C6orf58: variants seen among roughly 807,000 people sequenced by gnomAD.
C6orf58 encodes chromosome 6 open reading frame 58.
In C6orf58, 30 loss-of-function variants were observed where a neutral mutation model predicts 37.0. The ratio of observed to expected loss-of-function variants is 0.81; its 90% confidence interval spans 0.61 to 1.10. C6orf58 has a LOEUF of 1.10. Among genes scored for constraint, C6orf58 ranks in the 50% least tolerant of loss-of-function variants. C6orf58 has a pLI of 0.00. For synonymous variants in C6orf58, 143 were observed against 134.1 expected, an observed-to-expected ratio of 1.07 and a Z score of -0.46; for missense variants, 368 against 387.5, an observed-to-expected ratio of 0.95 and a Z score of 0.42.
Position 127,581,255 on chromosome 6 carries a change from C to A in C6orf58, c.647C>A (p.Ala216Glu). The A allele has an allele frequency of 1.3e-6, 2 of 1,516,942 alleles. No homozygotes were observed. Among genetic ancestry groups the A allele is most frequent in the Admixed American group, 1.9e-5 (1 of 52,948 alleles). The allele number at this position is 1,516,942 out of a possible 1,614,324, so 94.0% of individuals were successfully genotyped here. Residue 216 changes from alanine to glutamate, a missense_variant, in exon 4 of 6, where the codon GCA becomes GAA. Transcript: ENST00000329722. ...YLWAAHTSTLADNIKSFEDRY... is the reference protein window; with the variant it reads ...YLWAAHTSTLEDNIKSFEDRY... ...TGGGCTGCACACACTTCAACCTTGG[C>A]AGATAATATCAAAAGTTTTGAAGAC...
chr6:127,585,200 A>G (rs548050853), intron 4 of C6orf58, among the ~76,000 whole-genome samples: 2 of 152,306 alleles, frequency 1.3e-5, no homozygotes, highest in South Asian at 4.1e-4. Context: ...AAATAGGCCC[A>G]ATTACTTTAA....
chr6:127,582,575 A>G (rs942188656), intron 4 of C6orf58, among the ~76,000 whole-genome samples: 7 of 152,222 alleles, frequency 4.6e-5, no homozygotes, highest in African/African-American at 1.7e-4. Context: ...TTGCTGGCCA[A>G]TTGTAGCCTT....
chr6:127,586,158 G>A (rs1255418057), intron 4 of C6orf58, among the ~76,000 whole-genome samples: 1 of 152,092 alleles, frequency 6.6e-6, no homozygotes, highest in East Asian at 1.9e-4. Flanking sequence ...CTTTCTAGAA[G>A]CACGTGTTTT....
intron 4 of C6orf58, among the ~76,000 whole-genome samples, chr6:127,586,924 G>A (rs1004431074): frequency 1.3e-5 from 2 of 152,152 alleles, no homozygotes; most frequent in Admixed American, 6.5e-5. Context: ...TTGAAATCTG[G>A]AAGGAAATCT....
At position 127,578,554 on chromosome 6, in the gene C6orf58, G is replaced by A. The variant is rs946193208; in HGVS notation, c.302-132G>A. On this transcript the variant is annotated intron_variant, in intron 1 of 5. Coordinates refer to ENST00000329722, the MANE Select transcript of C6orf58 (RefSeq NM_001010905.3). ...AATAAAAGATAAAAAAAGAATGATG[G>A]GAATACAAACACATATCATTCAGAA... is the stretch of plus-strand genomic sequence containing the variant. 5.7e-6 allele frequency: 3 copies of A among 530,704 alleles called. No individual in the cohort carries two copies. The South Asian group carries it at 1.0e-4, about 19-fold the overall frequency. 32.9% of individuals were successfully genotyped at this position (530,704 alleles called of 1,614,324 possible). A position where few individuals can be genotyped will look rare whatever the true frequency, so the allele number is the denominator to read the frequency against.
chr6:127,577,198 C>G lies in C6orf58; in HGVS notation c.13C>G (p.Pro5Ala). MAFL[P>A]SWVCVLVGSF... ...CAGCTCTGGCACAATGGCTTTTCTT[C>G]CTTCCTGGGTTTGTGTACTAGTTGG... Residue 5 changes from proline (P) to alanine (A), a missense_variant, in exon 1 of 6, where the codon CCT becomes GCT. Pro to Ala is a conservative substitution (Grantham distance 27). Coordinates refer to ENST00000329722, the MANE Select transcript of C6orf58 (RefSeq NM_001010905.3). 2 of 1,613,048 alleles carry G rather than the reference C, an allele frequency of 1.2e-6. No homozygotes were observed.
rs753374472 is a variant in C6orf58 at position 127,590,186 on chromosome 6, A to G, written c.774A>G (p.Arg258=). 8 of 1,613,838 alleles carry G rather than the reference A, an allele frequency of 5.0e-6. No homozygotes were observed. The highest frequency in any genetic ancestry group is 6.8e-6 in the Non-Finnish European group (8 of 1,179,840). ...TCCTCTTTCCTACAACCTTGATTAG[A>G]TCATATAAGTTCCAGAAGGGCATGC... ...AAVLFPTTLI[R]SYKFQKGMPP... The change falls in exon 5 of 6, where the codon AGA becomes AGG. Residue 258 remains arginine (R), a synonymous_variant. Transcript: ENST00000329722.
chr6:127,583,926 T>A (rs570912226), intron 4 of C6orf58, among the ~76,000 whole-genome samples: 1 of 152,320 alleles, frequency 6.6e-6, no homozygotes, highest in East Asian at 1.9e-4. Flanking sequence ...AGTCAATCTG[T>A]CTTTTCCTAT....
intron 4 of C6orf58, among the ~76,000 whole-genome samples, chr6:127,588,357 T>TA (rs1458257134): frequency 6.6e-6 from 1 of 152,194 alleles, no homozygotes; most frequent in Non-Finnish European, 1.5e-5. Context: ...TAATGAAAGT[T>TA]ACATAGCAGA....
At chr6:127,588,803 T>C (rs943683770) in intron 4 of C6orf58, among the ~76,000 whole-genome samples, 1 of 152,192 alleles carries the variant, frequency 6.6e-6, no homozygotes, top group Non-Finnish European at 1.5e-5. Flanking sequence ...CCAATTTGTT[T>C]AGTACATTGT....
At chr6:127,589,753 T>C (rs997527062) in intron 4 of C6orf58, among the ~76,000 whole-genome samples, 5 of 152,218 alleles carry the variant, frequency 3.3e-5, no homozygotes, top group African/African-American at 7.2e-5. Flanking sequence ...ACCTTTGATA[T>C]TTATCTCTAC....
At chr6:127,590,596 G>T (rs910434523) in intron 5 of C6orf58, among the ~76,000 whole-genome samples, 1 of 151,524 alleles carries the variant, frequency 6.6e-6, no homozygotes, top group African/African-American at 2.4e-5. Flanking sequence ...AAACACTTTT[G>T]TTTTGTTCTA....
intron 4 of C6orf58, among the ~76,000 whole-genome samples, chr6:127,582,913 G>A (rs1173628635): frequency 6.6e-6 from 1 of 152,120 alleles, no homozygotes; most frequent in African/African-American, 2.4e-5. Context: ...ATATATTCTG[G>A]AAGAACCCTA....
Position 127,580,464 on chromosome 6 carries a change from C to T in C6orf58, c.573+15C>T, listed in dbSNP as rs200927198. On this transcript the variant is annotated intron_variant, in intron 3 of 5. Coordinates refer to ENST00000329722, the MANE Select transcript of C6orf58 (RefSeq NM_001010905.3). Reference sequence around the variant, plus strand: ...CCTTTTACCAGGTTCCTTCTTTATACTCTTACGAGATAGGAAGAGAGTTTA... The same window carrying T: ...CCTTTTACCAGGTTCCTTCTTTATATTCTTACGAGATAGGAAGAGAGTTTA... 371 of 1,586,850 alleles carry T rather than the reference C, an allele frequency of 2.3e-4. 1 individual carries two copies. The African/African-American group carries it at 4.6e-3, about 20-fold the overall frequency.
At chr6:127,591,341 G>A (rs1347810845) in intron 5 of C6orf58, among the ~76,000 whole-genome samples, 3 of 152,038 alleles carry the variant, frequency 2.0e-5, no homozygotes, top group African/African-American at 7.2e-5. Flanking sequence ...GTGAAGTAAA[G>A]TTGGTAAGTC....
At chr6:127,589,606 G>A (rs1009780894) in intron 4 of C6orf58, among the ~76,000 whole-genome samples, 3 of 152,058 alleles carry the variant, frequency 2.0e-5, no homozygotes, top group Non-Finnish European at 4.4e-5. Flanking sequence ...GCTTCCTGTG[G>A]TAGAAGAATG....
chr6:127,584,974 T>C (rs1775092280), intron 4 of C6orf58, among the ~76,000 whole-genome samples: 1 of 152,186 alleles, frequency 6.6e-6, no homozygotes, highest in Non-Finnish European at 1.5e-5. Flanking sequence ...AATCAATTAA[T>C]TCTTGTTCTA....
At chr6:127,580,929 G>A (rs976813922) in intron 3 of C6orf58, among the ~76,000 whole-genome samples, 4 of 151,820 alleles carry the variant, frequency 2.6e-5, no homozygotes, top group African/African-American at 7.3e-5. Flanking sequence ...AGGCCTGATC[G>A]GTATAAAATA....
At chr6:127,578,611 A>C in intron 1 of C6orf58, 75 bp from the exon 2 acceptor site, 1 of 931,122 alleles carries the variant, frequency 1.1e-6, no homozygotes, top group Non-Finnish European at 1.7e-6. Flanking sequence ...AACAAAATCT[A>C]TGTGGTTAAG....
Sources: allele counts gnomAD v4.1 joint callset (sites outside exome capture counted in the v4.1 genomes callset), GRCh38; gene constraint gnomAD v4.1.1; transcripts MANE v1.5; gene names NCBI Gene and HGNC (gene_info 2026-07-23, HGNC 2026-07-21).